GET1: variants seen among roughly 807,000 people sequenced by gnomAD.
GET1 encodes congenital heart disease 5 protein.
A neutral mutation model predicts 22.6 loss-of-function variants in GET1; 20 were observed. The ratio of observed to expected loss-of-function variants is 0.89; its 90% CI spans 0.62 to 1.29. The LOEUF is 1.29. Among genes scored for constraint, GET1 ranks in the 50% most tolerant of loss-of-function variants. The pLI, the probability that GET1 is intolerant of heterozygous loss-of-function variation, is 0.00. For missense variants in GET1, 209 were observed against 219.9 expected (o/e 0.95, Z 0.31); for synonymous variants, 92 against 83.8 (o/e 1.10, Z -0.53).
downstream of GET1, chr21:39,410,140 G>T: frequency 7.2e-7 from 1 of 1,397,056 alleles, no homozygotes; most frequent in Non-Finnish European, 1.0e-6. Context: ...GGGGGGTCTA[G>T]ATAACTTAAA....
At chr21:39,419,346 G>A (rs749457249) in intron 1 of GET1, among the ~76,000 whole-genome samples, 4 of 151,866 alleles carry the variant, frequency 2.6e-5, no homozygotes, top group East Asian at 3.9e-4. Context: ...GCAACACAGC[G>A]AGACCCCGTC....
At chr21:39,389,198 C>T (rs1240204027) in intron 1 of GET1, among the ~76,000 whole-genome samples, 2 of 152,140 alleles carry the variant, frequency 1.3e-5, no homozygotes, top group Non-Finnish European at 2.9e-5. Context: ...TCTTGAACTC[C>T]TGGGCTCAAG....
intron 1 of GET1, chr21:39,380,740 G>T: frequency 8.3e-7 from 1 of 1,205,378 alleles, no homozygotes; most frequent in Non-Finnish European, 1.0e-6. Context: ...GTGGGTGGCG[G>T]CGGCGAACCT....
chr21:39,393,390 C>G, intron 4 of GET1, 110 bp downstream of exon 4: 1 of 878,662 alleles, frequency 1.1e-6, no homozygotes, highest in Non-Finnish European at 1.8e-6. Context: ...ATTTAGTGAG[C>G]GGGGTTTTGT....
intron 1 of GET1, among the ~76,000 whole-genome samples, chr21:39,386,992 A>C (rs2037948712): frequency 6.6e-6 from 1 of 151,916 alleles, no homozygotes; most frequent in African/African-American, 2.4e-5. Flanking sequence ...CTGGGGCCAC[A>C]CGGACCACAG....
downstream of GET1, among the ~76,000 whole-genome samples, chr21:39,410,522 G>C (rs914493151): frequency 2.0e-5 from 3 of 152,122 alleles, no homozygotes; most frequent in Admixed American, 6.5e-5. Context: ...TTAGTTTCCT[G>C]TTTTTCCCTC....
intron 1 of GET1, among the ~76,000 whole-genome samples, chr21:39,386,984 G>A (rs1458136316): frequency 6.6e-6 from 1 of 151,966 alleles, no homozygotes; most frequent in Non-Finnish European, 1.5e-5. Flanking sequence ...CTGAGTAGCT[G>A]GGGCCACACG....
chr21:39,417,891 A>G (rs191762242), intron 1 of GET1, among the ~76,000 whole-genome samples: 1,628 of 152,098 alleles, frequency 0.011, 21 homozygotes, highest in African/African-American at 0.028. Context: ...TCAGCCTCCC[A>G]AGTAGCTGGG....
downstream of GET1, among the ~76,000 whole-genome samples, chr21:39,411,483 C>T (rs528574580): frequency 6.6e-6 from 1 of 152,260 alleles, no homozygotes; most frequent in South Asian, 2.1e-4. Flanking sequence ...TCCTTTTGCT[C>T]CACCTGAAGA....
chr21:39,390,744 G>C lies in GET1; in HGVS notation c.149G>C (p.Arg50Thr). The C allele has an allele frequency of 6.2e-7, 1 of 1,614,180 alleles. No homozygotes were observed. Among genetic ancestry groups the C allele is most frequent in the Non-Finnish European group, 8.5e-7 (1 of 1,180,032 alleles). The change falls in exon 2 of 5, where the codon AGA becomes ACA. Residue 50 changes from arginine (R) to threonine (T), a missense_variant. Transcript: ENST00000649170. The stretch of plus-strand genomic sequence containing the variant: ...GACGCGGAGCAGGAGTCACAGATGA[G>C]AGCGGAGATCCAGGACATGAAGCAG... ...QKDAEQESQM[R>T]AEIQDMKQEL... is the part of the protein sequence containing the mutation.
intron 1 of GET1, among the ~76,000 whole-genome samples, chr21:39,383,551 G>A (rs1345137210): frequency 6.6e-6 from 1 of 151,940 alleles, no homozygotes; most frequent in Non-Finnish European, 1.5e-5. Flanking sequence ...CAAAGTGCTG[G>A]GATTACAGGT....
At chr21:39,386,708 T>A (rs1332759168) in intron 1 of GET1, among the ~76,000 whole-genome samples, 1 of 152,220 alleles carries the variant, frequency 6.6e-6, no homozygotes, top group East Asian at 1.9e-4. Flanking sequence ...AGAGATTCAC[T>A]TTTGTTCTAA....
intron 1 of GET1, chr21:39,423,014 T>C: frequency 6.2e-7 from 1 of 1,614,098 alleles, no homozygotes. Context: ...TTTGTTGTGA[T>C]AATAGATAAT....
At chr21:39,412,666 A>G (rs2040313526) in intron 1 of GET1, among the ~76,000 whole-genome samples, 2 of 152,110 alleles carry the variant, frequency 1.3e-5, no homozygotes, top group African/African-American at 2.4e-5. Flanking sequence ...TGTGCCCCTT[A>G]GGGTCAAATC....
intron 1 of GET1, chr21:39,411,889 G>A: frequency 1.4e-6 from 1 of 694,934 alleles, no homozygotes; most frequent in Non-Finnish European, 2.5e-6. Flanking sequence ...AATGAGCTCA[G>A]TATCCTATGA....
rs1212749931 is a variant in GET1, at chr21:39,388,954, C to CT, written c.103-1741dup. Among the ~76,000 whole-genome samples, 3 of 152,308 alleles carry CT rather than the reference C, an allele frequency of 2.0e-5. No homozygotes were observed. The South Asian group carries it at 6.2e-4, about 32-fold the overall frequency. On this transcript the variant is annotated intron_variant, in intron 1 of 4. Transcript: ENST00000649170. ...CCAGGCCAGCCTGGGGAGCGTGCTT[C>CT]TTTGTTTATGTCTGTATTTCTCTGC...
chr21:39,406,149 G>A (rs1376329052), exon 5 of GET1: 10 of 1,614,054 alleles, frequency 6.2e-6, no homozygotes, highest in South Asian at 2.2e-5. Context: ...CTTTTATTCT[G>A]GAAGACTTAC....
In GET1 at chr21:39,420,707, T is replaced by A. The variant is rs749190278; in HGVS notation, c.*24-7525T>A. 1.6e-5 allele frequency: 25 copies of A among 1,609,236 alleles called. No homozygotes were observed. In the East Asian group the frequency reaches 2.2e-4, roughly 14 times the overall value. The stretch of plus-strand genomic sequence containing the variant: ...TACATTTTGTTTTAAAAGAAATACC[T>A]TAAGTTTTTGTTGAAGGTGTTTTAC... On this transcript the variant is annotated intron_variant, in intron 1 of 1. Coordinates refer to the GET1 transcript ENST00000478273.
chr21:39,393,358 C>T lies in GET1; in HGVS notation c.451+78C>T, dbSNP rs1316956715. 39 of 1,129,188 alleles carry T rather than the reference C, an allele frequency of 3.5e-5. No individual in the cohort carries two copies. The East Asian group carries it at 6.0e-4, about 17-fold the overall frequency. The allele number at this position is 1,129,188 out of a possible 1,614,324, so 69.9% of individuals were successfully genotyped here. A position where few individuals can be genotyped will look rare whatever the true frequency, so the allele number is the denominator to read the frequency against. ...GGTGTGTGGTAGAAGATTAAGTTAG[C>T]CTGACATCCTCCTCACCGTCCATTT... is the stretch of plus-strand genomic sequence containing the variant. On this transcript the variant is annotated intron_variant, in intron 4 of 4. Transcript: ENST00000649170.
Sources: allele counts gnomAD v4.1 joint callset (sites outside exome capture counted in the v4.1 genomes callset), GRCh38; gene constraint gnomAD v4.1.1; transcripts MANE v1.5; gene names NCBI Gene and HGNC (gene_info 2026-07-23, HGNC 2026-07-21).